Variants in SSBP2 observed in about 807,000 individuals in gnomAD.
SSBP2 encodes the protein single stranded DNA binding protein 2.
SSBP2 carries 17 observed loss-of-function variants against 61.8 expected under a neutral mutation model. That is an observed-to-expected ratio of 0.28 (90% CI 0.19 to 0.41). SSBP2 has a LOEUF of 0.41. SSBP2 is among the 10% of genes least tolerant of loss of function. SSBP2 has a pLI of 1.00. For missense variants in SSBP2, 310 were observed against 458.7 expected (o/e 0.68, Z 2.96); for synonymous variants, 139 against 141.3 (o/e 0.98, Z 0.12).
intron 6 of SSBP2, among the ~76,000 whole-genome samples, chr5:81,483,784 CAT>C (rs1341024509): frequency 2.6e-5 from 4 of 151,978 alleles, no homozygotes; most frequent in East Asian, 3.9e-4. Context: ...CACACACACA[CAT>C]TTATACTTTT....
chr5:81,610,417 T>C (rs1319433872), intron 4 of SSBP2, among the ~76,000 whole-genome samples: 2 of 152,224 alleles, frequency 1.3e-5, no homozygotes, highest in African/African-American at 4.8e-5. Context: ...TAAGTTTGAC[T>C]TGGTAAGAAA....
chr5:81,461,045 A>G lies in SSBP2; in HGVS notation c.687+10T>C. The G allele has an allele frequency of 6.6e-7, 1 of 1,510,496 alleles. No individual in the cohort carries two copies. Among genetic ancestry groups the G allele is most frequent in the South Asian group, 1.3e-5 (1 of 76,962 alleles). The allele number at this position is 1,510,496 out of a possible 1,614,324, so 93.6% of individuals were successfully genotyped here. A position where few individuals can be genotyped will look rare whatever the true frequency, so the allele number is the denominator to read the frequency against. On this transcript the variant is annotated intron_variant, in intron 10 of 16. Transcript: ENST00000320672. ...GCAAAATATTAAAAAAAATATATAT[A>G]TATACTCACTGAATTGGCATTTGTT...
In SSBP2 at chr5:81,702,982, A is replaced by G. The variant is rs138837691; in HGVS notation, c.62+47999T>C. Among the ~76,000 whole-genome samples the G allele has an allele frequency of 7.9e-3, 1,199 of 152,280 alleles. 6 individuals carry two copies. The highest frequency in any genetic ancestry group is 0.012 in the Non-Finnish European group (848 of 68,010). On this transcript the variant is annotated intron_variant, in intron 1 of 16. Coordinates refer to ENST00000320672, the MANE Select transcript of SSBP2 (RefSeq NM_012446.5). Reference sequence around the variant, plus strand: ...AGAGCAGATATTACACACATTCCCCACTATCTACAACAGACAAGTTGGTCA... The same window carrying G: ...AGAGCAGATATTACACACATTCCCCGCTATCTACAACAGACAAGTTGGTCA...
Position 81,667,103 on chromosome 5 carries a change from G to GA in SSBP2, c.63-16765dup, listed in dbSNP as rs1195483081. On this transcript the variant is annotated intron_variant, in intron 1 of 16. Coordinates refer to ENST00000320672, the MANE Select transcript of SSBP2 (RefSeq NM_012446.5). ...TCCCAGCAATACCTTGATGAAAGGG[G>GA]AAAAAATAGGTGGAGTCCTATCATC... is the stretch of plus-strand genomic sequence containing the variant. 4.6e-5 allele frequency among the ~76,000 whole-genome samples: 7 copies of GA among 152,184 alleles called. No individual in the cohort carries two copies. In the South Asian group the frequency reaches 1.2e-3, roughly 27 times the overall value.
intron 1 of SSBP2, among the ~76,000 whole-genome samples, chr5:81,716,444 C>T (rs1462002315): frequency 6.6e-6 from 1 of 152,092 alleles, no homozygotes; most frequent in Admixed American, 6.5e-5. Flanking sequence ...ACATAATTTG[C>T]AAACTGCTCA....
chr5:81,590,984 A>T (rs1034850658), intron 4 of SSBP2, among the ~76,000 whole-genome samples: 1 of 152,198 alleles, frequency 6.6e-6, no homozygotes, highest in Non-Finnish European at 1.5e-5. Flanking sequence ...ACTGAGGCTG[A>T]ATCAGTGCAA....
At chr5:81,543,209 C>T (rs1162137357) in intron 4 of SSBP2, among the ~76,000 whole-genome samples, 2 of 152,100 alleles carry the variant, frequency 1.3e-5, no homozygotes, top group Non-Finnish European at 1.5e-5. Context: ...ACTTCCCCTT[C>T]CACCACGATT....
chr5:81,747,846 A>G (rs567266983), intron 1 of SSBP2, among the ~76,000 whole-genome samples: 4 of 152,288 alleles, frequency 2.6e-5, no homozygotes, highest in African/African-American at 9.6e-5. Context: ...AAGCCTGCTA[A>G]AGGAAGAAAT....
At chr5:81,524,035 G>A (rs1200740175) in intron 4 of SSBP2, among the ~76,000 whole-genome samples, 3 of 151,920 alleles carry the variant, frequency 2.0e-5, no homozygotes, top group African/African-American at 7.3e-5. Context: ...AAATCCCAGG[G>A]CTTCTATTTG....
intron 12 of SSBP2, among the ~76,000 whole-genome samples, chr5:81,444,128 T>A (rs1464433873): frequency 6.6e-6 from 1 of 152,242 alleles, no homozygotes; most frequent in East Asian, 1.9e-4. Flanking sequence ...TCTATTTGAA[T>A]ATATCATAAT....
At chr5:81,587,756 C>CGT (rs1491150323) in intron 4 of SSBP2, among the ~76,000 whole-genome samples, 1 of 87,556 alleles carries the variant, frequency 1.1e-5, no homozygotes, top group African/African-American at 3.8e-5. Context: ...CGCACACACA[C>CGT]GCGCGCGCAC....
At chr5:81,569,264 A>T (rs1242120798) in intron 4 of SSBP2, among the ~76,000 whole-genome samples, 1 of 152,204 alleles carries the variant, frequency 6.6e-6, no homozygotes, top group Non-Finnish European at 1.5e-5. Flanking sequence ...CAATCAAGAC[A>T]TAAAACAGTT....
chr5:81,437,711 T>A (rs1762761474), intron 14 of SSBP2: 1 of 272,060 alleles, frequency 3.7e-6, no homozygotes, highest in Non-Finnish European at 7.0e-6. Context: ...AAAACTGTTG[T>A]TATCATAGAT....
intron 1 of SSBP2, among the ~76,000 whole-genome samples, chr5:81,692,831 T>C (rs1444806681): frequency 3.9e-5 from 6 of 152,182 alleles, no homozygotes; most frequent in African/African-American, 1.4e-4. Context: ...AAGATCCCTA[T>C]TTCTCACCAT....
In SSBP2 at chr5:81,631,909, G is replaced by A. The variant is rs186771791; in HGVS notation, c.197+4648C>T. Among the ~76,000 whole-genome samples the A allele has an allele frequency of 3.3e-5, 5 of 152,226 alleles. No homozygotes were observed. The East Asian group carries it at 9.6e-4, about 29-fold the overall frequency. ...AACCTTGCTGAAATGATAAGTAGTG[G>A]AGCTGAGACACTGAATCCACATGTT... On this transcript the variant is annotated intron_variant, in intron 3 of 16. Coordinates refer to ENST00000320672, the MANE Select transcript of SSBP2 (RefSeq NM_012446.5).
intron 10 of SSBP2, among the ~76,000 whole-genome samples, chr5:81,458,229 T>A (rs934880152): frequency 6.6e-6 from 1 of 152,216 alleles, no homozygotes; most frequent in Non-Finnish European, 1.5e-5. Flanking sequence ...TTTGAAAAGA[T>A]TATTGAGCCA....
At position 81,415,922 on chromosome 5, in the gene SSBP2, A is replaced by AAAAAAAAAAAAAAAAAAAAAAAAGAAAAG. The variant is rs766994399; in HGVS notation, c.*4581_*4582insCTTTTCTTTTTTTTTTTTTTTTTTTTTTT. 4.1e-3 allele frequency: 300 copies of AAAAAAAAAAAAAAAAAAAAAAAAGAAAAG among 73,554 alleles called. 30 individuals are homozygous for AAAAAAAAAAAAAAAAAAAAAAAAGAAAAG. Among genetic ancestry groups the AAAAAAAAAAAAAAAAAAAAAAAAGAAAAG allele is most frequent in the African/African-American group, 0.012 (81 of 6,774 alleles). The allele number at this position is 73,554 out of a possible 1,614,324, so 4.6% of individuals were successfully genotyped here. A position where few individuals can be genotyped will look rare whatever the true frequency, so the allele number is the denominator to read the frequency against. ...GCAAGATTCTGACTCAAAAAAAAAA[A>AAAAAAAAAAAAAAAAAAAAAAAAGAAAAG]AAAAAAAGAGGAAAACCTGATCAAG... On this transcript the variant is annotated 3_prime_UTR_variant, in exon 17 of 17. Transcript: ENST00000320672.
At chr5:81,649,621 G>A (rs1031142857) in intron 2 of SSBP2, among the ~76,000 whole-genome samples, 3 of 151,996 alleles carry the variant, frequency 2.0e-5, no homozygotes, top group Non-Finnish European at 2.9e-5. Flanking sequence ...CAGACTACTA[G>A]AGGTGAGAGG....
At chr5:81,637,194 G>A in intron 2 of SSBP2, among the ~76,000 whole-genome samples, 1 of 152,196 alleles carries the variant, frequency 6.6e-6, no homozygotes, top group South Asian at 2.1e-4. Flanking sequence ...TCTCTTCAGA[G>A]GTTAAAGGTA....
Sources: gnomAD v4.1 joint callset for allele counts (sites outside exome capture counted in the v4.1 genomes callset) on GRCh38, gnomAD v4.1.1 for gene constraint, MANE v1.5 for transcripts, NCBI Gene and HGNC (gene_info 2026-07-23, HGNC 2026-07-21) for gene names.